SMIM38: variants seen among roughly 807,000 people sequenced by gnomAD.
The protein encoded by SMIM38 is small integral membrane protein 38.
chr11:69,156,607 TGTGC>T (rs1042216608), intron 1 of SMIM38, among the ~76,000 whole-genome samples: 2 of 150,374 alleles, frequency 1.3e-5, no homozygotes, highest in African/African-American at 5.0e-5. Flanking sequence ...TGTGTGTGTG[TGTGC>T]GCGCGTGTGG....
Position 69,160,057 on chromosome 11 carries a change from G to T in SMIM38, c.*1961G>T, listed in dbSNP as rs1857037390. On this transcript the variant is annotated 3_prime_UTR_variant, in exon 3 of 3. Coordinates refer to ENST00000686237, the MANE Select transcript of SMIM38 (RefSeq NM_001369201.2). ...CATTCATATGATGTGCCGATGTCTTGCCAGTTGTAGAGTTTTGTGTAAACC... is the reference window on the plus strand; with the variant it reads ...CATTCATATGATGTGCCGATGTCTTTCCAGTTGTAGAGTTTTGTGTAAACC... The T allele has an allele frequency of 6.6e-6, 1 of 152,238 alleles. No homozygotes were observed. Among genetic ancestry groups the T allele is most frequent in the South Asian group, 2.1e-4 (1 of 4,828 alleles). The allele number at this position is 152,238 out of a possible 1,614,324, so 9.4% of individuals were successfully genotyped here.
intron 1 of SMIM38, among the ~76,000 whole-genome samples, chr11:69,156,542 G>C (rs763119028): frequency 2.6e-5 from 4 of 152,104 alleles, no homozygotes; most frequent in Admixed American, 1.3e-4. Context: ...TCCTTATTGG[G>C]TGTGCACACG....
At position 69,161,242 on chromosome 11, in the gene SMIM38, G is replaced by A. The variant is rs1397474025; in HGVS notation, c.*3146G>A. On this transcript the variant is annotated 3_prime_UTR_variant, in exon 3 of 3. Transcript: ENST00000686237. ...CGTGGCATCCCTGGATGCACAGGAGGCTGAGAGATAGTGGCGTTTGTTAGC... is the reference window on the plus strand; with the variant it reads ...CGTGGCATCCCTGGATGCACAGGAGACTGAGAGATAGTGGCGTTTGTTAGC... The A allele has an allele frequency of 1.3e-5, 2 of 152,226 alleles. No individual in the cohort carries two copies. The highest frequency in any genetic ancestry group is 2.9e-5 in the Non-Finnish European group (2 of 68,034). The allele number at this position is 152,226 out of a possible 1,614,324, so 9.4% of individuals were successfully genotyped here.
Position 69,158,095 on chromosome 11 carries a change from T to C in SMIM38, c.*93T>C. The C allele has an allele frequency of 5.0e-6, 2 of 397,860 alleles. No homozygotes were observed. Among genetic ancestry groups the C allele is most frequent in the Non-Finnish European group, 8.9e-6 (2 of 225,970 alleles). The allele number at this position is 397,860 out of a possible 1,614,324, so 24.6% of individuals were successfully genotyped here. A position where few individuals can be genotyped will look rare whatever the true frequency, so the allele number is the denominator to read the frequency against. On this transcript the variant is annotated 3_prime_UTR_variant, in exon 2 of 3. Coordinates refer to ENST00000686237, the MANE Select transcript of SMIM38 (RefSeq NM_001369201.2). Reference sequence around the variant, plus strand: ...GAGGGAGGGGAGCAGGGCAGGCGCATGATCCCCATGTCCCACCCCTGGGGC... The same window carrying C: ...GAGGGAGGGGAGCAGGGCAGGCGCACGATCCCCATGTCCCACCCCTGGGGC...
chr11:69,156,646 CTG>C (rs746190370), intron 1 of SMIM38, among the ~76,000 whole-genome samples: 1 of 152,084 alleles, frequency 6.6e-6, no homozygotes, highest in East Asian at 1.9e-4. Flanking sequence ...TGGGCAGACA[CTG>C]TTATTTCAGA....
rs886944009 is a variant in SMIM38 at position 69,160,558 on chromosome 11, A to G, written c.*2462A>G. On this transcript the variant is annotated 3_prime_UTR_variant, in exon 3 of 3. Transcript: ENST00000686237. ...CCTCTACTGGGACTGCCTGGCAGGG[A>G]GGACAGACGCTCAAGGCGGCCCCAT... The G allele has an allele frequency of 6.6e-5, 10 of 152,204 alleles. No individual in the cohort carries two copies. The highest frequency in any genetic ancestry group is 2.4e-4 in the African/African-American group (10 of 41,444). The allele number at this position is 152,204 out of a possible 1,614,324, so 9.4% of individuals were successfully genotyped here.
chr11:69,156,060 G>A lies in SMIM38; in HGVS notation c.-728G>A, dbSNP rs1856982154. 6.6e-6 allele frequency: 1 copy of A among 152,392 alleles called. No homozygotes were observed. 9.4% of individuals were successfully genotyped at this position (152,392 alleles called of 1,614,324 possible). A position where few individuals can be genotyped will look rare whatever the true frequency, so the allele number is the denominator to read the frequency against. On this transcript the variant is annotated 5_prime_UTR_variant, in exon 1 of 3. Coordinates refer to ENST00000686237, the MANE Select transcript of SMIM38 (RefSeq NM_001369201.2). Reference sequence around the variant, plus strand: ...TTCCCAGACAGCCTCTGCCAGTCCAGGCAGGGGCTCCAGGGTGGCTGCGGG... The same window carrying A: ...TTCCCAGACAGCCTCTGCCAGTCCAAGCAGGGGCTCCAGGGTGGCTGCGGG...
In SMIM38 at chr11:69,161,638, C is replaced by T. The variant is rs1590781842; in HGVS notation, c.*3542C>T. Reference sequence around the variant, plus strand: ...TTCTTAGAGACACATGGGAACATGCCTCTGCTCACAGCTGGTAGCCACAGA... The same window carrying T: ...TTCTTAGAGACACATGGGAACATGCTTCTGCTCACAGCTGGTAGCCACAGA... On this transcript the variant is annotated 3_prime_UTR_variant, in exon 3 of 3. Transcript: ENST00000686237. The T allele has an allele frequency of 6.6e-6, 1 of 152,170 alleles. No individual in the cohort carries two copies. The highest frequency in any genetic ancestry group is 1.9e-4 in the East Asian group (1 of 5,196). The allele number at this position is 152,170 out of a possible 1,614,324, so 9.4% of individuals were successfully genotyped here.
In SMIM38 at chr11:69,161,811, C is replaced by A. The variant is rs1302855199; in HGVS notation, c.*3715C>A. Reference sequence around the variant, plus strand: ...CAATTCATATGTTGAACCTTTAATGCCTAATACTTCAGAAAGAGACTGTGT... The same window carrying A: ...CAATTCATATGTTGAACCTTTAATGACTAATACTTCAGAAAGAGACTGTGT... On this transcript the variant is annotated 3_prime_UTR_variant, in exon 3 of 3. Coordinates refer to ENST00000686237, the MANE Select transcript of SMIM38 (RefSeq NM_001369201.2). 1 of 152,058 alleles carries A rather than the reference C, an allele frequency of 6.6e-6. No homozygotes were observed. Among genetic ancestry groups the A allele is most frequent in the South Asian group, 2.1e-4 (1 of 4,814 alleles). The allele number at this position is 152,058 out of a possible 1,614,324, so 9.4% of individuals were successfully genotyped here.
Position 69,158,017 on chromosome 11 carries a change from C to A in SMIM38, c.*15C>A. The A allele has an allele frequency of 2.5e-6, 1 of 398,824 alleles. No individual in the cohort carries two copies. The highest frequency in any genetic ancestry group is 4.4e-6 in the Non-Finnish European group (1 of 226,254). The allele number at this position is 398,824 out of a possible 1,614,324, so 24.7% of individuals were successfully genotyped here. On this transcript the variant is annotated 3_prime_UTR_variant, in exon 2 of 3. Coordinates refer to ENST00000686237, the MANE Select transcript of SMIM38 (RefSeq NM_001369201.2). Reference sequence around the variant, plus strand: ...AGCAGGACTAAGCCTCTGCAGGCTGCGGCCTCCACGCGCCCTGTCCCGAGA... The same window carrying A: ...AGCAGGACTAAGCCTCTGCAGGCTGAGGCCTCCACGCGCCCTGTCCCGAGA...
Position 69,158,253 on chromosome 11 carries a change from G to C in SMIM38, c.*251G>C. 1 of 354,000 alleles carries C rather than the reference G, an allele frequency of 2.8e-6. No individual in the cohort carries two copies. The highest frequency in any genetic ancestry group is 5.0e-6 in the Non-Finnish European group (1 of 198,124). 21.9% of individuals were successfully genotyped at this position (354,000 alleles called of 1,614,324 possible). Reference sequence around the variant, plus strand: ...CCATCACCAGGTTCTGGGGTCCCCGGTTGCAGGGAGTGGTCCTGGGGGTGG... The same window carrying C: ...CCATCACCAGGTTCTGGGGTCCCCGCTTGCAGGGAGTGGTCCTGGGGGTGG... On this transcript the variant is annotated 3_prime_UTR_variant, in exon 2 of 3. Coordinates refer to ENST00000686237, the MANE Select transcript of SMIM38 (RefSeq NM_001369201.2).
rs1346781159 is a variant in SMIM38, at chr11:69,161,157, A to G, written c.*3061A>G. On this transcript the variant is annotated 3_prime_UTR_variant, in exon 3 of 3. Transcript: ENST00000686237. The stretch of plus-strand genomic sequence containing the variant: ...GAAGAGAAAGGAAAGGGTGACAGAG[A>G]CAGAAAGCAATGTCCCCAGATACCC... The G allele has an allele frequency of 2.0e-5, 3 of 152,236 alleles. No individual in the cohort carries two copies. The highest frequency in any genetic ancestry group is 7.2e-5 in the African/African-American group (3 of 41,458). The allele number at this position is 152,236 out of a possible 1,614,324, so 9.4% of individuals were successfully genotyped here.
In SMIM38 at chr11:69,158,119, G is replaced by A; in HGVS notation, c.*117G>A. The A allele has an allele frequency of 2.5e-6, 1 of 397,160 alleles. No homozygotes were observed. The highest frequency in any genetic ancestry group is 4.4e-6 in the Non-Finnish European group (1 of 225,644). The allele number at this position is 397,160 out of a possible 1,614,324, so 24.6% of individuals were successfully genotyped here. On this transcript the variant is annotated 3_prime_UTR_variant, in exon 2 of 3. Transcript: ENST00000686237. Reference sequence around the variant, plus strand: ...ATGATCCCCATGTCCCACCCCTGGGGCAGGAGCTCAGAGAGGCCTGAGATG... The same window carrying A: ...ATGATCCCCATGTCCCACCCCTGGGACAGGAGCTCAGAGAGGCCTGAGATG...
rs1857032647 is a variant in SMIM38 at position 69,159,582 on chromosome 11, C to CA, written c.*1487dup. ...GGGGTGACGTGAAGATGACCTATTG[C>CA]AGAGGGTCCCTTCTCATTCACGCTC... On this transcript the variant is annotated 3_prime_UTR_variant, in exon 3 of 3. Transcript: ENST00000686237. 1 of 152,078 alleles carries CA rather than the reference C, an allele frequency of 6.6e-6. No individual in the cohort carries two copies. Among genetic ancestry groups the CA allele is most frequent in the South Asian group, 2.1e-4 (1 of 4,816 alleles). 9.4% of individuals were successfully genotyped at this position (152,078 alleles called of 1,614,324 possible).
Position 69,157,746 on chromosome 11 carries a change from C to T in SMIM38, c.-101C>T, listed in dbSNP as rs1205176468. On this transcript the variant is annotated 5_prime_UTR_variant, in exon 2 of 3. Coordinates refer to ENST00000686237, the MANE Select transcript of SMIM38 (RefSeq NM_001369201.2). Reference sequence around the variant, plus strand: ...GACGGAGCTTCCTGTCCTGGGTCTGCACAGCAGCCACTTGGCAGTGCCGGG... The same window carrying T: ...GACGGAGCTTCCTGTCCTGGGTCTGTACAGCAGCCACTTGGCAGTGCCGGG... 2 of 397,732 alleles carry T rather than the reference C, an allele frequency of 5.0e-6. No homozygotes were observed. Among genetic ancestry groups the T allele is most frequent in the East Asian group, 7.1e-5 (2 of 28,040 alleles). 24.6% of individuals were successfully genotyped at this position (397,732 alleles called of 1,614,324 possible). A position where few individuals can be genotyped will look rare whatever the true frequency, so the allele number is the denominator to read the frequency against.
rs982148938 is a variant in SMIM38, at chr11:69,158,248, C to T, written c.*246C>T. 2.8e-6 allele frequency: 1 copy of T among 358,568 alleles called. No individual in the cohort carries two copies. The highest frequency in any genetic ancestry group is 5.0e-6 in the Non-Finnish European group (1 of 200,986). The allele number at this position is 358,568 out of a possible 1,614,324, so 22.2% of individuals were successfully genotyped here. ...CAGGTCCATCACCAGGTTCTGGGGT[C>T]CCCGGTTGCAGGGAGTGGTCCTGGG... On this transcript the variant is annotated 3_prime_UTR_variant, in exon 2 of 3. Transcript: ENST00000686237.
At position 69,161,499 on chromosome 11, in the gene SMIM38, G is replaced by C. The variant is rs1234175400; in HGVS notation, c.*3403G>C. The C allele has an allele frequency of 6.6e-6, 1 of 152,226 alleles. No individual in the cohort carries two copies. The highest frequency in any genetic ancestry group is 1.5e-5 in the Non-Finnish European group (1 of 68,050). 9.4% of individuals were successfully genotyped at this position (152,226 alleles called of 1,614,324 possible). A position where few individuals can be genotyped will look rare whatever the true frequency, so the allele number is the denominator to read the frequency against. On this transcript the variant is annotated 3_prime_UTR_variant, in exon 3 of 3. Transcript: ENST00000686237. ...TAGCAGCTGAGTCAAGCTGTCCTTG[G>C]CTGCTCCAATCTGGAGTCAGAGGTT...
rs1857059995 is a variant in SMIM38 at position 69,162,241 on chromosome 11, CT to C, written c.*4146del. ...AGAGACCTGGAAACAGATATTAGACCTGCACTAAGCATGTGTGGTTATTGAA... is the reference window on the plus strand; with the variant it reads ...AGAGACCTGGAAACAGATATTAGACCGCACTAAGCATGTGTGGTTATTGAA... On this transcript the variant is annotated 3_prime_UTR_variant, in exon 3 of 3. Coordinates refer to ENST00000686237, the MANE Select transcript of SMIM38 (RefSeq NM_001369201.2). The C allele has an allele frequency of 6.6e-6, 1 of 152,170 alleles. No homozygotes were observed. The highest frequency in any genetic ancestry group is 2.4e-5 in the African/African-American group (1 of 41,426). The allele number at this position is 152,170 out of a possible 1,614,324, so 9.4% of individuals were successfully genotyped here. A position where few individuals can be genotyped will look rare whatever the true frequency, so the allele number is the denominator to read the frequency against.
At position 69,160,251 on chromosome 11, in the gene SMIM38, A is replaced by T. The variant is rs551284502; in HGVS notation, c.*2155A>T. 3 of 150,800 alleles carry T rather than the reference A, an allele frequency of 2.0e-5. No homozygotes were observed. The allele number at this position is 150,800 out of a possible 1,614,324, so 9.3% of individuals were successfully genotyped here. On this transcript the variant is annotated 3_prime_UTR_variant, in exon 3 of 3. Coordinates refer to ENST00000686237, the MANE Select transcript of SMIM38 (RefSeq NM_001369201.2). ...ACCCAGGCTGGAGGGCAGTGGCGCA[A>T]TCTTGGCTCACTGCAACCTCCGCCT...
Sources: gnomAD v4.1 joint callset for allele counts (sites outside exome capture counted in the v4.1 genomes callset) on GRCh38, gnomAD v4.1.1 for gene constraint, MANE v1.5 for transcripts, NCBI Gene and HGNC (gene_info 2026-07-23, HGNC 2026-07-21) for gene names.